The following DCST1 variants were observed in gnomAD, a reference collection of about 807,000 sequenced individuals.
The protein encoded by DCST1 is E3 ubiquitin-protein ligase DCST1.
In DCST1, 78 loss-of-function variants were observed where a neutral mutation model predicts 89.1. The ratio of observed to expected loss-of-function variants is 0.88; its 90% CI spans 0.73 to 1.06. The LOEUF (loss-of-function observed/expected upper bound fraction) is 1.06. Ranked by LOEUF, DCST1 falls within the 50% of genes least tolerant of loss-of-function variation. The pLI is 0.00. For missense variants in DCST1, 900 were observed against 928.6 expected (o/e 0.97, Z 0.40); for synonymous variants, 364 against 371.9 (o/e 0.98, Z 0.24).
Position 155,034,418 on chromosome 1 carries a change from C to T in DCST1, c.62-17C>T, listed in dbSNP as rs1660202801. 1.2e-6 allele frequency: 2 copies of T among 1,613,854 alleles called. No individual in the cohort carries two copies. Among genetic ancestry groups the T allele is most frequent in the South Asian group, 1.1e-5 (1 of 91,094 alleles). ...GGCAGAAGAGTGGGCTGTTGAGCTA[C>T]CCTGTCCCCCTCTTAGCGGTGCAGA... On this transcript the variant is annotated splice_polypyrimidine_tract_variant and intron_variant, in intron 2 of 16. Transcript: ENST00000295542.
At position 155,047,905 on chromosome 1, in the gene DCST1, C is replaced by T. The variant is rs1429910727; in HGVS notation, c.1731C>T (p.Val577=). ...CTTTTGGCTACCGACTCCGGAGGGT[C>T]ATCGCAGCCTTCTACTTCCCCAAGG... The part of the protein sequence containing the change: ...LQAFGYRLRR[V]IAAFYFPKRE... Residue 577 remains valine (V), a synonymous_variant, in exon 15 of 17, where the codon GTC becomes GTT. Coordinates refer to ENST00000295542, the MANE Select transcript of DCST1 (RefSeq NM_152494.4). 1 of 1,614,140 alleles carries T rather than the reference C, an allele frequency of 6.2e-7. No individual in the cohort carries two copies. The highest frequency in any genetic ancestry group is 1.7e-5 in the Admixed American group (1 of 60,028).
chr1:155,048,207 C>T (rs766138369), intron 16 of DCST1, 37 bp downstream of exon 16: 1 of 1,581,200 alleles, frequency 6.3e-7, no homozygotes, highest in Admixed American at 1.7e-5. Flanking sequence ...CAGCTCCTGG[C>T]TGGGTCTAAG....
At position 155,040,589 on chromosome 1, in the gene DCST1, A is replaced by G; in HGVS notation, c.496A>G (p.Thr166Ala). 6.3e-7 allele frequency: 1 copy of G among 1,585,518 alleles called. No individual in the cohort carries two copies. Among genetic ancestry groups the G allele is most frequent in the Non-Finnish European group, 8.6e-7 (1 of 1,165,090 alleles). The change falls in exon 6 of 17, where the codon ACA becomes GCA. Residue 166 changes from threonine to alanine, a missense_variant. Thr to Ala is a moderately conservative substitution (Grantham distance 58). Coordinates refer to ENST00000295542, the MANE Select transcript of DCST1 (RefSeq NM_152494.4). ...NNTRAAWRIS[T>A]APLRAMFKDL... Reference sequence around the variant, plus strand: ...CACCCGCGCAGCTTGGCGCATCTCCACAGCCCCCTTACGGGCCATGTTCAA... The same window carrying G: ...CACCCGCGCAGCTTGGCGCATCTCCGCAGCCCCCTTACGGGCCATGTTCAA...
chr1:155,044,158 A>G (rs1489041112), intron 10 of DCST1, among the ~76,000 whole-genome samples: 1 of 152,188 alleles, frequency 6.6e-6, no homozygotes, highest in African/African-American at 2.4e-5. Flanking sequence ...TGGGAAGACA[A>G]AGATGAAGGA....
At chr1:155,047,124 A>T (rs1660672345) in intron 13 of DCST1, 72 bp from the exon 14 acceptor site, 3 of 1,224,612 alleles carry the variant, frequency 2.4e-6, no homozygotes, top group African/African-American at 3.0e-5. Flanking sequence ...CCCCTCCCTG[A>T]CATCCACCCC....
At chr1:155,046,598 C>CAA in intron 13 of DCST1, 112 bp downstream of exon 13, 1 of 415,808 alleles carries the variant, frequency 2.4e-6, no homozygotes, top group Non-Finnish European at 3.4e-6. Flanking sequence ...GTCCTTCTGC[C>CAA]TCTTTTTTTT....
At chr1:155,044,407 C>T (rs888165704) in intron 10 of DCST1, among the ~76,000 whole-genome samples, 3 of 138,886 alleles carry the variant, frequency 2.2e-5, no homozygotes, top group Non-Finnish European at 4.5e-5. Context: ...ACTGGGAGGT[C>T]GAAGCTGCAG....
At chr1:155,042,967 A>T in intron 9 of DCST1, 111 bp downstream of exon 9, 122 of 1,131,146 alleles carry the variant, frequency 1.1e-4, no homozygotes, top group Non-Finnish European at 1.4e-4. Flanking sequence ...AGAGGTGACC[A>T]GGGGTGAGGG....
intron 16 of DCST1, among the ~76,000 whole-genome samples, chr1:155,049,993 A>G (rs564277239): frequency 3.4e-4 from 52 of 152,340 alleles, no homozygotes; most frequent in African/African-American, 1.1e-3. Flanking sequence ...CTAAAGTAGG[A>G]AAGAGGCTAG....
intron 4 of DCST1, chr1:155,035,320 C>G (rs150352963): frequency 0.015 from 2,266 of 153,480 alleles, 33 homozygotes; most frequent in Non-Finnish European, 0.024. Flanking sequence ...CATCACCATG[C>G]CCAGCTAATT....
chr1:155,033,905 C>A, intron 1 of DCST1, 51 bp downstream of exon 1: 1 of 1,335,928 alleles, frequency 7.5e-7, no homozygotes, highest in South Asian at 1.3e-5. Context: ...GATTAAAAGG[C>A]CCAGAGCTCA....
intron 4 of DCST1, among the ~76,000 whole-genome samples, chr1:155,035,510 C>T (rs1251640822): frequency 1.3e-5 from 2 of 152,162 alleles, no homozygotes; most frequent in Non-Finnish European, 2.9e-5. Flanking sequence ...GACTCAGGTT[C>T]CTTCTGTCTT....
chr1:155,046,794 C>CA (rs1332993221), intron 13 of DCST1, among the ~76,000 whole-genome samples: 11 of 151,916 alleles, frequency 7.2e-5, no homozygotes, highest in Admixed American at 5.2e-4. Flanking sequence ...TTAGTAGAGA[C>CA]AGAGTTTCAC....
intron 4 of DCST1, 189 bp downstream of exon 4, chr1:155,034,916 C>A: frequency 1.6e-6 from 1 of 632,638 alleles, no homozygotes; most frequent in East Asian, 2.8e-5. Context: ...AAGACACCGT[C>A]CTTGCCCTGA....
At chr1:155,037,650 T>C (rs1660315511) in intron 4 of DCST1, among the ~76,000 whole-genome samples, 1 of 151,938 alleles carries the variant, frequency 6.6e-6, no homozygotes, top group African/African-American at 2.4e-5. Context: ...TTGGCCAGGC[T>C]GGTCTCAAAC....
In DCST1 at chr1:155,034,042, C is replaced by T. The variant is rs769233035; in HGVS notation, c.6C>T (p.Asp2=). The change falls in exon 2 of 17, where the codon GAC becomes GAT. Residue 2 remains aspartate (D), a synonymous_variant. Transcript: ENST00000295542. ...TGCTTCCCCAAAACAGACTCATGGA[C>T]ATTAAACATCATCAGAATGGCACAA... is the stretch of plus-strand genomic sequence containing the variant. The part of the protein sequence containing the change: M[D]IKHHQNGTRG... The T allele has an allele frequency of 1.2e-6, 2 of 1,614,090 alleles. No homozygotes were observed. Among genetic ancestry groups the T allele is most frequent in the South Asian group, 1.1e-5 (1 of 91,082 alleles).
chr1:155,048,747 G>T (rs1660745710), intron 16 of DCST1, among the ~76,000 whole-genome samples: 1 of 149,688 alleles, frequency 6.7e-6, no homozygotes, highest in Non-Finnish European at 1.5e-5. Flanking sequence ...AAAGGAGAAT[G>T]AGATTTAATA....
At chr1:155,042,882 G>A (rs763776754) in intron 9 of DCST1, 26 bp downstream of exon 9, 4 of 1,612,970 alleles carry the variant, frequency 2.5e-6, no homozygotes, top group Admixed American at 3.3e-5. Flanking sequence ...GAGGGTTGGT[G>A]GGGGGTAGAT....
chr1:155,049,935 G>T (rs1419223926), intron 16 of DCST1, among the ~76,000 whole-genome samples: 1 of 152,238 alleles, frequency 6.6e-6, no homozygotes, highest in Non-Finnish European at 1.5e-5. Flanking sequence ...AAGTGCCAGG[G>T]CTAGTCTCAG....
Sources: gnomAD v4.1 joint callset for allele counts (sites outside exome capture counted in the v4.1 genomes callset) on GRCh38, gnomAD v4.1.1 for gene constraint, MANE v1.5 for transcripts, NCBI Gene and HGNC (gene_info 2026-07-23, HGNC 2026-07-21) for gene names.